Variants in SPEF2 observed in about 807,000 individuals in gnomAD.
SPEF2 encodes sperm flagellar and cilia associated 2, also known as sperm flagella and cilia-associated protein 2.
A neutral mutation model predicts 224.6 loss-of-function variants in SPEF2; 187 were observed. That is an observed-to-expected ratio of 0.83 (90% CI 0.74 to 0.94). The LOEUF (loss-of-function observed/expected upper bound fraction) is 0.94, where lower values mean the gene tolerates loss of function less well. SPEF2 is among the 40% of genes least tolerant of loss of function. The probability of loss-of-function intolerance (pLI) is 0.00; values close to 1 mark genes in which losing one functional copy is unlikely to be tolerated. For missense variants in SPEF2, 2,170 were observed against 2,135.6 expected (o/e 1.02, Z -0.32); for synonymous variants, 715 against 707.3 (o/e 1.01, Z -0.17).
At chr5:35,770,041 G>C (rs1752612962) in intron 26 of SPEF2, among the ~76,000 whole-genome samples, 1 of 149,102 alleles carries the variant, frequency 6.7e-6, no homozygotes. Context: ...GTGTGTGTGT[G>C]TGTGTGTGTG....
intron 2 of SPEF2, among the ~76,000 whole-genome samples, chr5:35,631,488 A>C (rs1243237288): frequency 6.6e-6 from 1 of 152,232 alleles, no homozygotes; most frequent in East Asian, 1.9e-4. Context: ...GGACATGGAG[A>C]AATCAAAACC....
intron 24 of SPEF2, among the ~76,000 whole-genome samples, chr5:35,758,555 A>T (rs1393889801): frequency 6.6e-6 from 1 of 152,152 alleles, no homozygotes; most frequent in Non-Finnish European, 1.5e-5. Flanking sequence ...ACCGATGCTC[A>T]TCTTGCCACC....
At chr5:35,649,459 C>T (rs536971514) in intron 6 of SPEF2, 34 bp downstream of exon 6, 64 of 1,533,028 alleles carry the variant, frequency 4.2e-5, no homozygotes, top group Middle Eastern at 3.4e-4. Context: ...ATTACAAAAC[C>T]GCATTCTGTT....
intron 12 of SPEF2, 149 bp from the exon 13 acceptor site, chr5:35,694,139 G>A: frequency 1.6e-6 from 1 of 623,196 alleles, no homozygotes; most frequent in Non-Finnish European, 2.8e-6. Context: ...ATTTAGAACT[G>A]AAACTTTAAT....
chr5:35,713,725 C>G (rs1741697287), intron 20 of SPEF2, among the ~76,000 whole-genome samples: 1 of 103,234 alleles, frequency 9.7e-6, no homozygotes, highest in Non-Finnish European at 2.0e-5. Context: ...GTGACAGACT[C>G]TGTCTCAAAA....
chr5:35,776,516 G>T, intron 29 of SPEF2, 121 bp downstream of exon 29: 1 of 1,038,604 alleles, frequency 9.6e-7, no homozygotes, highest in Non-Finnish European at 1.4e-6. Context: ...TGGCCTTTTA[G>T]GAAATCACGT....
intron 10 of SPEF2, among the ~76,000 whole-genome samples, chr5:35,676,938 A>G (rs1209870824): frequency 2.0e-5 from 3 of 152,124 alleles, no homozygotes; most frequent in Admixed American, 2.0e-4. Flanking sequence ...GGACTTAGCC[A>G]TATTATTTGG....
At chr5:35,647,531 C>G (rs1747559031) in intron 5 of SPEF2, among the ~76,000 whole-genome samples, 1 of 152,114 alleles carries the variant, frequency 6.6e-6, no homozygotes, top group East Asian at 1.9e-4. Context: ...CACTTACCCC[C>G]AGGGAGGTCA....
At chr5:35,687,475 T>G (rs1290405254) in intron 10 of SPEF2, among the ~76,000 whole-genome samples, 1 of 152,120 alleles carries the variant, frequency 6.6e-6, no homozygotes, top group Non-Finnish European at 1.5e-5. Context: ...ACATTTTTTT[T>G]GAGATGGAGT....
At chr5:35,783,527 T>A (rs1754637947) in intron 30 of SPEF2, among the ~76,000 whole-genome samples, 1 of 152,208 alleles carries the variant, frequency 6.6e-6, no homozygotes. Flanking sequence ...ATAATTATAG[T>A]AATGTCATAT....
At chr5:35,798,580 A>T (rs2201409) in intron 33 of SPEF2, among the ~76,000 whole-genome samples, 9 of 151,734 alleles carry the variant, frequency 5.9e-5, no homozygotes, top group Non-Finnish European at 1.3e-4. Flanking sequence ...CTGTGTTTTC[A>T]TAATCACTAC....
At chr5:35,786,499 A>C (rs1755146663) in intron 30 of SPEF2, among the ~76,000 whole-genome samples, 1 of 152,122 alleles carries the variant, frequency 6.6e-6, no homozygotes, top group Non-Finnish European at 1.5e-5. Flanking sequence ...GTCTCTAATA[A>C]AAATACAAAA....
intron 10 of SPEF2, among the ~76,000 whole-genome samples, chr5:35,679,271 C>G (rs1382715403): frequency 1.3e-5 from 2 of 152,152 alleles, no homozygotes; most frequent in Non-Finnish European, 2.9e-5. Flanking sequence ...GGGTTTAATT[C>G]TTAGAACTGG....
intron 8 of SPEF2, among the ~76,000 whole-genome samples, chr5:35,666,819 C>T (rs1750535740): frequency 6.6e-6 from 1 of 152,216 alleles, no homozygotes; most frequent in African/African-American, 2.4e-5. Flanking sequence ...CCACATTGGG[C>T]TTTCCCCAGT....
At position 35,667,127 on chromosome 5, in the gene SPEF2, G is replaced by T. The variant is rs746951299; in HGVS notation, c.1223G>T (p.Arg408Ile). Reference protein sequence around the residue: ...DFEEQFLKEKRFHDQIAVERA... With the variant: ...DFEEQFLKEKIFHDQIAVERA... ...GAAGAACAATTCCTTAAAGAAAAGA[G>T]ATTTCATGATCAGATTGCTGTGGAA... The change falls in exon 9 of 37, where the codon AGA becomes ATA. Residue 408 changes from arginine to isoleucine, a missense_variant. Physicochemically the swap from Arg to Ile is moderately conservative, Grantham distance 97 (BLOSUM62 -3). Transcript: ENST00000356031. 3 of 1,610,552 alleles carry T rather than the reference G, an allele frequency of 1.9e-6. No homozygotes were observed. The highest frequency in any genetic ancestry group is 1.3e-5 in the African/African-American group (1 of 74,946).
Position 35,740,255 on chromosome 5 carries a change from T to C in SPEF2, c.3318T>C (p.His1106=). The part of the protein sequence containing the change: ...WDDEETKAEL[H]QRVNDLRDRL... ...ATGAGGAAACAAAGGCTGAACTACA[T>C]CAACGAGTGAATGTAAGGAAATAGT... The change falls in exon 23 of 37, where the codon CAT becomes CAC. Residue 1106 remains histidine, a synonymous_variant. Transcript: ENST00000356031. The C allele has an allele frequency of 1.9e-6, 3 of 1,614,058 alleles. No homozygotes were observed. Among genetic ancestry groups the C allele is most frequent in the Non-Finnish European group, 2.5e-6 (3 of 1,179,992 alleles).
chr5:35,704,824 T>C (rs1220960971), intron 17 of SPEF2, among the ~76,000 whole-genome samples, 162 bp downstream of exon 17: 2 of 152,132 alleles, frequency 1.3e-5, no homozygotes, highest in Non-Finnish European at 2.9e-5. Flanking sequence ...GAAATATTTA[T>C]GTGCTAGCTT....
rs1220339393 is a variant in SPEF2, at chr5:35,705,771, A to G, written c.2628A>G (p.Glu876=). Reference sequence around the variant, plus strand: ...AATCTTTATGTGAAAAAGTAAAAGAAATTCTTACGACTGAAATAGCAAAAA... The same window carrying G: ...AATCTTTATGTGAAAAAGTAAAAGAGATTCTTACGACTGAAATAGCAAAAA... ...DKESLCEKVK[E]ILTTEIAKKK... Residue 876 remains glutamate, a synonymous_variant, in exon 18 of 37, where the codon GAA becomes GAG. Transcript: ENST00000356031. The G allele has an allele frequency of 6.6e-7, 1 of 1,525,468 alleles. No individual in the cohort carries two copies. Among genetic ancestry groups the G allele is most frequent in the Admixed American group, 2.1e-5 (1 of 47,886 alleles). The allele number at this position is 1,525,468 out of a possible 1,614,324, so 94.5% of individuals were successfully genotyped here.
intron 25 of SPEF2, among the ~76,000 whole-genome samples, chr5:35,763,201 C>A (rs1194770722): frequency 1.3e-5 from 2 of 152,258 alleles, no homozygotes; most frequent in South Asian, 2.1e-4. Context: ...GAAGTGTATG[C>A]TCTGGAACAA....
Sources: gnomAD v4.1 joint callset for allele counts (sites outside exome capture counted in the v4.1 genomes callset) on GRCh38, gnomAD v4.1.1 for gene constraint, MANE v1.5 for transcripts, NCBI Gene and HGNC (gene_info 2026-07-23, HGNC 2026-07-21) for gene names.